The following THSD7B variants were observed in gnomAD, a reference collection of about 807,000 sequenced individuals.
THSD7B encodes thrombospondin type 1 domain containing 7B.
A neutral mutation model predicts 213.6 loss-of-function variants in THSD7B; 138 were observed. The ratio of observed to expected loss-of-function variants is 0.65; its 90% CI spans 0.56 to 0.74. The LOEUF is 0.74. Ranked by LOEUF, THSD7B falls within the 30% of genes least tolerant of loss-of-function variation. The pLI is 0.00. For missense variants in THSD7B, 1,931 were observed against 1,991.5 expected (o/e 0.97, Z 0.58); for synonymous variants, 742 against 687.0 (o/e 1.08, Z -1.25).
At chr2:137,335,265 T>C (rs990464789) in intron 12 of THSD7B, among the ~76,000 whole-genome samples, 1 of 152,164 alleles carries the variant, frequency 6.6e-6, no homozygotes, top group African/African-American at 2.4e-5. Context: ...AGCCAAGAAT[T>C]GCTTAGTGTT....
At chr2:136,961,776 A>G (rs1685224128) in intron 2 of THSD7B, among the ~76,000 whole-genome samples, 1 of 152,366 alleles carries the variant, frequency 6.6e-6, no homozygotes, top group South Asian at 2.1e-4. Flanking sequence ...AAGCAAGTAG[A>G]AGCTTTATAC....
In THSD7B at chr2:137,510,295, TA is replaced by T. The variant is rs570615648; in HGVS notation, c.3139-52924del. On this transcript the variant is annotated intron_variant, in intron 15 of 27. Transcript: ENST00000409968. The stretch of plus-strand genomic sequence containing the variant: ...TTAAAAGTGATTGCTATAGCGATTA[TA>T]ACATGCATCTTGAATTGATTATAAT... 2.3e-3 allele frequency among the ~76,000 whole-genome samples: 349 copies of T among 152,304 alleles called. 1 individual carries two copies. Among genetic ancestry groups the T allele is most frequent in the African/African-American group, 8.0e-3 (331 of 41,578 alleles).
intron 15 of THSD7B, among the ~76,000 whole-genome samples, chr2:137,506,604 GT>G (rs1679840060): frequency 6.6e-6 from 1 of 152,210 alleles, no homozygotes; most frequent in Admixed American, 6.5e-5. Flanking sequence ...CAGGAGGGAG[GT>G]TTGAAAAAGC....
At chr2:137,080,689 A>T (rs1447923198) in intron 3 of THSD7B, among the ~76,000 whole-genome samples, 4 of 151,128 alleles carry the variant, frequency 2.6e-5, no homozygotes, top group African/African-American at 9.7e-5. Flanking sequence ...ACTTTTTTAC[A>T]TTTTCTCTCT....
intron 12 of THSD7B, among the ~76,000 whole-genome samples, chr2:137,314,851 G>T (rs1684043665): frequency 1.3e-5 from 2 of 152,208 alleles, no homozygotes; most frequent in African/African-American, 4.8e-5. Flanking sequence ...ACTTGAGGTG[G>T]CAGTCTGCCC....
chr2:137,379,835 C>G (rs540740077), intron 12 of THSD7B, among the ~76,000 whole-genome samples: 46 of 152,332 alleles, frequency 3.0e-4, no homozygotes, highest in African/African-American at 1.1e-3. Flanking sequence ...TCCACCTTCC[C>G]TGTTCCTCCT....
At chr2:137,273,069 C>T (rs1682786289) in intron 11 of THSD7B, among the ~76,000 whole-genome samples, 1 of 137,436 alleles carries the variant, frequency 7.3e-6, no homozygotes, top group South Asian at 2.4e-4. Context: ...CACACACACA[C>T]AGGTGGTAAC....
intron 2 of THSD7B, among the ~76,000 whole-genome samples, chr2:136,999,465 G>T (rs778133853): frequency 0.018 from 2,402 of 135,616 alleles, 32 homozygotes; most frequent in Middle Eastern, 0.023. Flanking sequence ...TAGGTATCTT[G>T]TTTTTTTTTT....
At position 137,170,749 on chromosome 2, in the gene THSD7B, A is replaced by G; in HGVS notation, c.1534A>G (p.Thr512Ala). Residue 512 changes from threonine to alanine, a missense_variant, in exon 7 of 28, where the codon ACG (threonine) becomes GCG (alanine). Physicochemically the swap from Thr to Ala is moderately conservative, Grantham distance 58. Transcript: ENST00000409968. ...TTTCTCTCTCTTTTTAGGATTTAGA[A>G]CGAGGCAGCGCCATGTCCTCATGGA... ...HDPQGKKGFR[T>A]RQRHVLMEST... The G allele has an allele frequency of 6.2e-7, 1 of 1,611,698 alleles. No homozygotes were observed. The highest frequency in any genetic ancestry group is 8.5e-7 in the Non-Finnish European group (1 of 1,178,492).
intron 12 of THSD7B, among the ~76,000 whole-genome samples, chr2:137,313,336 CTT>C (rs1417311919): frequency 6.6e-6 from 1 of 151,834 alleles, no homozygotes; most frequent in Admixed American, 6.6e-5. Flanking sequence ...CAACCCCTGC[CTT>C]TTTTTGTTTT....
chr2:137,217,350 C>G (rs181683996), intron 7 of THSD7B, among the ~76,000 whole-genome samples: 1 of 152,302 alleles, frequency 6.6e-6, no homozygotes, highest in African/African-American at 2.4e-5. Context: ...GATTGGTAGA[C>G]ATATGTCATT....
intron 1 of THSD7B, among the ~76,000 whole-genome samples, chr2:136,849,182 A>G (rs560839387): frequency 6.6e-5 from 10 of 152,244 alleles, no homozygotes; most frequent in African/African-American, 2.2e-4. Flanking sequence ...CTTTGCTTAC[A>G]TCAATGTTGT....
rs374609641 is a variant in THSD7B, at chr2:137,301,925, G to A, written c.2500+25899G>A. ...TTTATACAGAAGACTGATAGGATCCGGTTTACATGGTGGTTAAGTGGATAA... is the reference window on the plus strand; with the variant it reads ...TTTATACAGAAGACTGATAGGATCCAGTTTACATGGTGGTTAAGTGGATAA... On this transcript the variant is annotated intron_variant, in intron 12 of 27. Transcript: ENST00000409968. 1.1e-4 allele frequency among the ~76,000 whole-genome samples: 17 copies of A among 152,108 alleles called. No homozygotes were observed. In the East Asian group the frequency reaches 1.5e-3, roughly 14 times the overall value.
Position 137,155,219 on chromosome 2 carries a change from G to A in THSD7B, c.1370-4994G>A, listed in dbSNP as rs1183465940. ...TGTGACCATGAAGAGTCTCTGTGGG[G>A]ATTAACATTGCTGTCTACCAAACCT... On this transcript the variant is annotated intron_variant, in intron 5 of 27. Coordinates refer to ENST00000409968, the MANE Select transcript of THSD7B (RefSeq NM_001316349.2). Among the ~76,000 whole-genome samples the A allele has an allele frequency of 2.0e-5, 3 of 152,116 alleles. No homozygotes were observed. The East Asian group carries it at 5.8e-4, about 29-fold the overall frequency.
intron 15 of THSD7B, among the ~76,000 whole-genome samples, chr2:137,519,746 C>T (rs934098957): frequency 3.3e-5 from 5 of 152,208 alleles, no homozygotes; most frequent in Non-Finnish European, 7.3e-5. Flanking sequence ...ACTAAAGCAT[C>T]TGTCATCAGG....
intron 15 of THSD7B, among the ~76,000 whole-genome samples, chr2:137,496,424 T>A (rs1238495924): frequency 6.6e-6 from 1 of 152,204 alleles, no homozygotes; most frequent in East Asian, 1.9e-4. Flanking sequence ...ACCCCAAATT[T>A]TGTCCCCTCC....
chr2:136,980,255 G>A (rs1489717819), intron 2 of THSD7B, among the ~76,000 whole-genome samples: 1 of 152,176 alleles, frequency 6.6e-6, no homozygotes, highest in Admixed American at 6.5e-5. Context: ...TCAGGGACCC[G>A]CTTAAAGAGC....
At chr2:137,396,946 G>A (rs1686208004) in intron 12 of THSD7B, among the ~76,000 whole-genome samples, 2 of 141,756 alleles carry the variant, frequency 1.4e-5, no homozygotes, top group Non-Finnish European at 3.2e-5. Flanking sequence ...TTTGATCTTT[G>A]TTGGTTTTAA....
chr2:137,010,097 T>A (rs1291254754), intron 2 of THSD7B, among the ~76,000 whole-genome samples: 1 of 152,214 alleles, frequency 6.6e-6, no homozygotes, highest in Admixed American at 6.5e-5. Context: ...TATGCAGTTC[T>A]AGCCTAGCAC....
Sources: allele counts gnomAD v4.1 joint callset (sites outside exome capture counted in the v4.1 genomes callset), GRCh38; gene constraint gnomAD v4.1.1; transcripts MANE v1.5; gene names NCBI Gene and HGNC (gene_info 2026-07-23, HGNC 2026-07-21).